HMGCL: variants seen among roughly 807,000 people sequenced by gnomAD.
HMGCL encodes 3-hydroxy-3-methylglutaryl-CoA lyase.
In HMGCL, 26 loss-of-function variants were observed where a neutral mutation model predicts 37.3. The ratio of observed to expected loss-of-function variants is 0.70; its 90% CI spans 0.51 to 0.97. The LOEUF (loss-of-function observed/expected upper bound fraction) is 0.97, where lower values mean the gene tolerates loss of function less well. HMGCL is among the 50% of genes least tolerant of loss of function. The pLI is 0.00. For missense variants in HMGCL, 379 were observed against 398.1 expected (o/e 0.95, Z 0.41); for synonymous variants, 151 against 148.0 (o/e 1.02, Z -0.15).
At chr1:23,804,995 A>AT (rs1638378058) in intron 7 of HMGCL, among the ~76,000 whole-genome samples, 1 of 150,784 alleles carries the variant, frequency 6.6e-6, no homozygotes, top group African/African-American at 2.4e-5. Flanking sequence ...CCAAATGACT[A>AT]TTTCACTTTC....
intron 1 of HMGCL, among the ~76,000 whole-genome samples, chr1:23,824,416 C>T (rs953941736): frequency 1.3e-5 from 2 of 152,182 alleles, no homozygotes; most frequent in African/African-American, 4.8e-5. Context: ...TCTACTATTG[C>T]GTTTAACTTT....
At chr1:23,824,432 T>A (rs1006846351) in intron 1 of HMGCL, among the ~76,000 whole-genome samples, 1 of 152,204 alleles carries the variant, frequency 6.6e-6, no homozygotes, top group Admixed American at 6.5e-5. Flanking sequence ...ACTTTCCAAG[T>A]TGGAATTGCC....
At chr1:23,802,637 C>CA in intron 8 of HMGCL, 73 bp from the exon 9 acceptor site, 1 of 934,940 alleles carries the variant, frequency 1.1e-6, no homozygotes, top group East Asian at 2.4e-5. Flanking sequence ...TCAGCATGGA[C>CA]AGACAACTGT....
At chr1:23,817,089 T>G (rs1330549532) in intron 3 of HMGCL, among the ~76,000 whole-genome samples, 1 of 152,240 alleles carries the variant, frequency 6.6e-6, no homozygotes, top group East Asian at 1.9e-4. Flanking sequence ...AGCTCTGTGT[T>G]AAGCACTCCT....
chr1:23,816,662 G>A lies in HMGCL; in HGVS notation c.348+13C>T, dbSNP rs1638618855. ...TCATTTCAGGAGCCCCCACCAACAA[G>A]CTATCCTCTTACCGCTGCCTCGAAG... On this transcript the variant is annotated intron_variant, in intron 4 of 8. Transcript: ENST00000374490. 1 of 1,527,914 alleles carries A rather than the reference G, an allele frequency of 6.5e-7. No homozygotes were observed. Among genetic ancestry groups the A allele is most frequent in the Non-Finnish European group, 9.1e-7 (1 of 1,101,400 alleles). The allele number at this position is 1,527,914 out of a possible 1,614,324, so 94.6% of individuals were successfully genotyped here.
At chr1:23,809,241 T>TTA (rs1638474859) in intron 6 of HMGCL, 1 of 106,450 alleles carries the variant, frequency 9.4e-6, no homozygotes, top group Non-Finnish European at 1.9e-5. Context: ...TATATATATT[T>TTA]TTTTTTTTTT....
chr1:23,804,645 C>T, intron 7 of HMGCL, 120 bp from the exon 8 acceptor site: 1 of 1,107,572 alleles, frequency 9.0e-7, no homozygotes, highest in Non-Finnish European at 1.3e-6. Context: ...TTTGCTTTGG[C>T]TTATGATTCT....
rs1190557741 is a variant in HMGCL at position 23,802,164 on chromosome 1, A to T, written c.*299T>A. On this transcript the variant is annotated 3_prime_UTR_variant, in exon 9 of 9. Transcript: ENST00000374490. ...AGAGAGGAGACTCAAGGATCATGCT[A>T]AGTAGGGAACGGGGTTCCCACACGT... 1.7e-6 allele frequency: 1 copy of T among 591,076 alleles called. No individual in the cohort carries two copies. The highest frequency in any genetic ancestry group is 3.0e-6 in the Non-Finnish European group (1 of 332,580). 36.6% of individuals were successfully genotyped at this position (591,076 alleles called of 1,614,324 possible). A position where few individuals can be genotyped will look rare whatever the true frequency, so the allele number is the denominator to read the frequency against.
chr1:23,814,872 G>A (rs561824534), intron 4 of HMGCL, among the ~76,000 whole-genome samples: 1 of 152,180 alleles, frequency 6.6e-6, no homozygotes, highest in Non-Finnish European at 1.5e-5. Flanking sequence ...AGCCATACTG[G>A]AATAGGGTGG....
At chr1:23,804,153 C>T in intron 8 of HMGCL, 1 of 574,712 alleles carries the variant, frequency 1.7e-6, no homozygotes, top group South Asian at 2.0e-5. Flanking sequence ...CTGTTTCACC[C>T]AGGCTGGAGT....
chr1:23,807,424 G>A (rs1638432979), intron 7 of HMGCL: 1 of 353,440 alleles, frequency 2.8e-6, no homozygotes, highest in East Asian at 7.5e-5. Flanking sequence ...AAAAAAAGTG[G>A]CTGGAACTGC....
chr1:23,806,996 G>A lies in HMGCL; in HGVS notation c.750+1139C>T, dbSNP rs759161020. 2 of 518,972 alleles carry A rather than the reference G, an allele frequency of 3.9e-6. No individual in the cohort carries two copies. The highest frequency in any genetic ancestry group is 3.9e-5 in the Admixed American group (2 of 51,600). 32.1% of individuals were successfully genotyped at this position (518,972 alleles called of 1,614,324 possible). On this transcript the variant is annotated intron_variant, in intron 7 of 8. Coordinates refer to ENST00000374490, the MANE Select transcript of HMGCL (RefSeq NM_000191.3). The surrounding 1 kb of genome is among the most constrained non-coding windows in gnomAD (Gnocchi z 4.0). ...CCGAAGTAACTGATGGAAGAGGGAG[G>A]TCAGAGGAAGCTACTGCCAGACGTC...
At chr1:23,822,255 T>G (rs1638735389) in intron 1 of HMGCL, among the ~76,000 whole-genome samples, 3 of 152,156 alleles carry the variant, frequency 2.0e-5, no homozygotes, top group Admixed American at 2.0e-4. Flanking sequence ...GGCTCTCTTC[T>G]GTTACAGTCA....
chr1:23,814,106 T>G, intron 5 of HMGCL, 84 bp downstream of exon 5: 1 of 1,481,082 alleles, frequency 6.8e-7, no homozygotes, highest in South Asian at 1.1e-5. Flanking sequence ...ATAAGAAGTT[T>G]GTGGCAGGAG....
At chr1:23,813,721 G>A (rs769285735) in intron 5 of HMGCL, 2 of 210,308 alleles carry the variant, frequency 9.5e-6, no homozygotes, top group Non-Finnish European at 2.0e-5. Context: ...ACAATGCCTG[G>A]AACCACTGAT....
At position 23,804,511 on chromosome 1, in the gene HMGCL, G is replaced by A. The variant is rs778296169; in HGVS notation, c.765C>T (p.Val255=). Residue 255 remains valine, a synonymous_variant, in exon 8 of 9, where the codon GTC becomes GTT. Coordinates refer to ENST00000374490, the MANE Select transcript of HMGCL (RefSeq NM_000191.3). ...CAAGTCCTGCCACAGAAGAGTCCAC[G>A]ACACTCACTCCCATCTAGAAACATA... is the stretch of plus-strand genomic sequence containing the variant. The part of the protein sequence containing the change: ...TLMALQMGVS[V]VDSSVAGLGG... 24 of 1,614,000 alleles carry A rather than the reference G, an allele frequency of 1.5e-5. No homozygotes were observed. The highest frequency in any genetic ancestry group is 1.0e-4 in the Admixed American group (6 of 60,002).
chr1:23,812,872 G>A (rs951958634), intron 5 of HMGCL, among the ~76,000 whole-genome samples: 3 of 152,132 alleles, frequency 2.0e-5, no homozygotes, highest in African/African-American at 7.2e-5. Context: ...GTGATCAGAT[G>A]TGCACTTTTG....
intron 5 of HMGCL, among the ~76,000 whole-genome samples, chr1:23,813,219 G>A (rs1017417309): frequency 2.7e-5 from 4 of 147,084 alleles, no homozygotes; most frequent in South Asian, 2.1e-4. Flanking sequence ...GATCATTCTG[G>A]CTGCAATGTT....
chr1:23,817,604 C>A (rs1216026399), intron 2 of HMGCL, 21 bp from the exon 3 acceptor site: 1 of 1,461,688 alleles, frequency 6.8e-7, no homozygotes, highest in Non-Finnish European at 9.6e-7. Flanking sequence ...GAGAGAAACA[C>A]CAAGGCAGCA....
Sources: gnomAD v4.1 joint callset for allele counts (sites outside exome capture counted in the v4.1 genomes callset) on GRCh38, gnomAD v4.1.1 for gene constraint, Gnocchi (gnomAD v3.1) non-coding constraint, MANE v1.5 for transcripts, NCBI Gene and HGNC (gene_info 2026-07-23, HGNC 2026-07-21) for gene names.